LOC128092253: variants seen among roughly 807,000 people sequenced by gnomAD.
At chr6:133,964,306 A>G in the LOC128092253 span, among the ~76,000 whole-genome samples, 1 of 152,186 alleles carries the variant, frequency 6.6e-6, no homozygotes, top group Admixed American at 6.5e-5. Flanking sequence ...TCTGAGTAAA[A>G]TAAGAAATTC....
chr6:133,965,288 A>G, the LOC128092253 span, among the ~76,000 whole-genome samples: 1 of 152,220 alleles, frequency 6.6e-6, no homozygotes, highest in African/African-American at 2.4e-5. Flanking sequence ...AGTCCGTAAT[A>G]TGGGAAGTAG....
the LOC128092253 span, among the ~76,000 whole-genome samples, chr6:133,971,305 A>G: frequency 6.6e-6 from 1 of 152,128 alleles, no homozygotes; most frequent in Non-Finnish European, 1.5e-5. Flanking sequence ...TTCTTTATCC[A>G]TTCTTCCACT....
the LOC128092253 span, among the ~76,000 whole-genome samples, chr6:133,956,187 T>C: frequency 1.3e-5 from 2 of 152,222 alleles, no homozygotes; most frequent in Non-Finnish European, 2.9e-5. Flanking sequence ...TTGCAGTTGA[T>C]TTTTAGAAGA....
the LOC128092253 span, among the ~76,000 whole-genome samples, chr6:133,971,918 A>G: frequency 6.6e-6 from 1 of 152,140 alleles, no homozygotes; most frequent in Admixed American, 6.5e-5. Context: ...GGGCTGTGCA[A>G]AAGCTTTTTA....
At chr6:133,969,400 TGC>T in the LOC128092253 span, among the ~76,000 whole-genome samples, 1 of 152,178 alleles carries the variant, frequency 6.6e-6, no homozygotes, top group Non-Finnish European at 1.5e-5. Context: ...TTCACATGAA[TGC>T]TACCTGCTTA....
the LOC128092253 span, among the ~76,000 whole-genome samples, chr6:133,954,080 T>C: frequency 2.6e-5 from 4 of 152,082 alleles, no homozygotes; most frequent in African/African-American, 9.7e-5. Flanking sequence ...GCCCTAAAAG[T>C]AAATCTAATA....
At chr6:133,960,496 T>G in the LOC128092253 span, among the ~76,000 whole-genome samples, 1 of 151,738 alleles carries the variant, frequency 6.6e-6, no homozygotes, top group East Asian at 1.9e-4. Context: ...AACTTCCACT[T>G]CAGTGCGCAG....
chr6:133,978,354 T>G, the LOC128092253 span, among the ~76,000 whole-genome samples: 1 of 152,342 alleles, frequency 6.6e-6, no homozygotes, highest in Middle Eastern at 3.4e-3. Context: ...TGCTGTGTGG[T>G]AGGCATGGTC....
chr6:133,962,632 A>G, the LOC128092253 span, among the ~76,000 whole-genome samples: 1 of 152,236 alleles, frequency 6.6e-6, no homozygotes, highest in Admixed American at 6.5e-5. Context: ...ATGGATTCAG[A>G]TATCTGATAG....
At chr6:133,976,710 C>T in the LOC128092253 span, among the ~76,000 whole-genome samples, 11 of 152,102 alleles carry the variant, frequency 7.2e-5, no homozygotes, top group African/African-American at 2.4e-4. Context: ...TATTTGTCGG[C>T]CTGGCGCGGT....
chr6:133,959,062 C>T, the LOC128092253 span, among the ~76,000 whole-genome samples: 1 of 151,902 alleles, frequency 6.6e-6, no homozygotes, highest in Admixed American at 6.6e-5. Context: ...TTGTTTGAGA[C>T]AGAGTCTCAC....
the LOC128092253 span, among the ~76,000 whole-genome samples, chr6:133,978,611 A>G: frequency 5.9e-5 from 9 of 152,330 alleles, no homozygotes; most frequent in African/African-American, 2.2e-4. Flanking sequence ...AATAACAGAA[A>G]AACAAAAAGA....
At chr6:133,975,230 G>A in the LOC128092253 span, among the ~76,000 whole-genome samples, 1 of 152,074 alleles carries the variant, frequency 6.6e-6, no homozygotes, top group Non-Finnish European at 1.5e-5. Flanking sequence ...TGAAAAAAGG[G>A]TAAGTAGGCT....
the LOC128092253 span, among the ~76,000 whole-genome samples, chr6:133,976,757 A>G: frequency 6.6e-6 from 1 of 152,152 alleles, no homozygotes; most frequent in Non-Finnish European, 1.5e-5. Flanking sequence ...TGGGAGGCCG[A>G]GGCAGTGGCT....
chr6:133,970,681 T>A, the LOC128092253 span, among the ~76,000 whole-genome samples: 1 of 151,702 alleles, frequency 6.6e-6, no homozygotes, highest in Non-Finnish European at 1.5e-5. Flanking sequence ...CCATGATAGC[T>A]CATTGCAGCC....
the LOC128092253 span, among the ~76,000 whole-genome samples, chr6:133,978,796 T>C: frequency 6.6e-6 from 1 of 152,194 alleles, no homozygotes; most frequent in Admixed American, 6.5e-5. Flanking sequence ...AGACCTTCTT[T>C]ATTTAGACTC....
the LOC128092253 span, among the ~76,000 whole-genome samples, chr6:133,956,643 ATTTCAC>A: frequency 6.6e-6 from 1 of 152,130 alleles, no homozygotes; most frequent in African/African-American, 2.4e-5. Context: ...ATGTTTGTTT[ATTTCAC>A]TTCAAGAGCT....
At chr6:133,958,504 A>G in the LOC128092253 span, among the ~76,000 whole-genome samples, 1 of 152,220 alleles carries the variant, frequency 6.6e-6, no homozygotes, top group Non-Finnish European at 1.5e-5. Context: ...TGGTAAAGCT[A>G]AAAACAAATA....
At chr6:133,973,816 A>G in the LOC128092253 span, among the ~76,000 whole-genome samples, 1 of 152,164 alleles carries the variant, frequency 6.6e-6, no homozygotes, top group Non-Finnish European at 1.5e-5. Flanking sequence ...GACAAATCAC[A>G]CTAAGCCATT....
Sources: allele counts gnomAD v4.1 joint callset (sites outside exome capture counted in the v4.1 genomes callset), GRCh38; gene constraint gnomAD v4.1.1; transcripts MANE v1.5.